The following MAP3K4 variants were observed in gnomAD, a reference collection of about 807,000 sequenced individuals.
MAP3K4 encodes mitogen-activated protein kinase kinase kinase 4, also known as MAP three kinase 1.
Under a neutral mutation model 185.6 loss-of-function variants are expected in MAP3K4, and 67 were observed. The ratio of observed to expected loss-of-function variants is 0.36; its 90% CI spans 0.30 to 0.44. The LOEUF (loss-of-function observed/expected upper bound fraction) is 0.44. Among genes scored for constraint, MAP3K4 ranks in the 20% least tolerant of loss-of-function variants. The pLI, the probability that MAP3K4 is intolerant of heterozygous loss-of-function variation, is 1.00. For missense variants in MAP3K4, 1,551 were observed against 1,995.1 expected (o/e 0.78, Z 4.24); for synonymous variants, 702 against 710.4 (o/e 0.99, Z 0.19).
At chr6:161,045,170 A>G (rs1424107939) in intron 2 of MAP3K4, among the ~76,000 whole-genome samples, 1 of 152,088 alleles carries the variant, frequency 6.6e-6, no homozygotes, top group Admixed American at 6.5e-5. Flanking sequence ...ACTAAGATGT[A>G]TGAATTTATA....
At chr6:161,040,121 C>T (rs1403205319) in intron 2 of MAP3K4, among the ~76,000 whole-genome samples, 10 of 152,124 alleles carry the variant, frequency 6.6e-5, no homozygotes, top group African/African-American at 1.7e-4. Context: ...ATGAATACCT[C>T]GTTTCTTTGT....
rs909255424 is a variant in MAP3K4, at chr6:161,107,280, G to T, written c.4048+575G>T. Among the ~76,000 whole-genome samples, 25 of 152,098 alleles carry T rather than the reference G, an allele frequency of 1.6e-4. No individual in the cohort carries two copies. The highest frequency in any genetic ancestry group is 3.7e-4 in the Non-Finnish European group (25 of 68,022). ...TCTGTCACACATCTAGGTCTGAAGG[G>T]GGCGAACACAGTTGTATGAATAATA... is the stretch of plus-strand genomic sequence containing the variant. On this transcript the variant is annotated intron_variant, in intron 20 of 26. Coordinates refer to ENST00000392142, the MANE Select transcript of MAP3K4 (RefSeq NM_005922.4). This position sits in a 1 kb window ranked among gnomAD's most constrained non-coding sequence, Gnocchi z 6.2.
At chr6:161,031,259 A>G (rs1216959304) in intron 1 of MAP3K4, among the ~76,000 whole-genome samples, 1 of 152,226 alleles carries the variant, frequency 6.6e-6, no homozygotes, top group Non-Finnish European at 1.5e-5. Context: ...AATTATTACA[A>G]GGATTTATTC....
At position 160,992,021 on chromosome 6, in the gene MAP3K4, G is replaced by A. The variant is rs777234400; in HGVS notation, c.90G>A (p.Pro30=). The part of the protein sequence containing the change: ...AAMEEPPPPP[P]PPPPPPEPET... ...TGGAGGAGCCGCCGCCACCGCCGCC[G>A]CCGCCACCACCGCCACCGGAACCCG... Residue 30 remains proline (P), a synonymous_variant, in exon 1 of 27, where the codon CCG becomes CCA. Transcript: ENST00000392142. 6.4e-7 allele frequency: 1 copy of A among 1,556,060 alleles called. No homozygotes were observed. Among genetic ancestry groups the A allele is most frequent in the South Asian group, 1.2e-5 (1 of 85,224 alleles).
chr6:161,101,756 C>T lies in MAP3K4; in HGVS notation c.3675-136C>T. Reference sequence around the variant, plus strand: ...AGCACCCTCCCAAAAGTGTCTAATACATTGCTGGAGGCAGAGTTGTTCCTG... The same window carrying T: ...AGCACCCTCCCAAAAGTGTCTAATATATTGCTGGAGGCAGAGTTGTTCCTG... On this transcript the variant is annotated intron_variant, in intron 17 of 26. Coordinates refer to ENST00000392142, the MANE Select transcript of MAP3K4 (RefSeq NM_005922.4). This position sits in a 1 kb window ranked among gnomAD's most constrained non-coding sequence, Gnocchi z 5.1. The T allele has an allele frequency of 1.4e-6, 1 of 697,110 alleles. No homozygotes were observed. The highest frequency in any genetic ancestry group is 2.4e-6 in the Non-Finnish European group (1 of 410,130). 43.2% of individuals were successfully genotyped at this position (697,110 alleles called of 1,614,324 possible).
chr6:161,060,637 T>TG (rs1554279711), intron 3 of MAP3K4, among the ~76,000 whole-genome samples: 2,364 of 135,706 alleles, frequency 0.017, 77 homozygotes, highest in African/African-American at 0.068. Context: ...TTTTTTTTTT[T>TG]GAGAAGGAGT....
chr6:161,084,763 C>T lies in MAP3K4; in HGVS notation c.2372+146C>T. On this transcript the variant is annotated intron_variant, in intron 7 of 26. Coordinates refer to ENST00000392142, the MANE Select transcript of MAP3K4 (RefSeq NM_005922.4). The surrounding 1 kb of genome is among the most constrained non-coding windows in gnomAD (Gnocchi z 4.6). ...TAGATGTAAAGGGATTTATTTATAA[C>T]TGCCTTGTCTTTTCATGTGATTTCT... 1.9e-6 allele frequency: 1 copy of T among 516,576 alleles called. No homozygotes were observed. Among genetic ancestry groups the T allele is most frequent in the Middle Eastern group, 2.9e-4 (1 of 3,488 alleles). The allele number at this position is 516,576 out of a possible 1,614,324, so 32.0% of individuals were successfully genotyped here.
chr6:161,049,203 G>C lies in MAP3K4; in HGVS notation c.931G>C (p.Val311Leu). ...AGTCGACTATGGGAGCTTCGCCTTTGTTAGAGATAGAGCTGGTTTTAATGG... is the reference window on the plus strand; with the variant it reads ...AGTCGACTATGGGAGCTTCGCCTTTCTTAGAGATAGAGCTGGTTTTAATGG... ...FKVDYGSFAF[V>L]RDRAGFNGTS... is the part of the protein sequence containing the mutation. Residue 311 changes from valine (V) to leucine (L), a missense_variant, in exon 3 of 27, where the codon GTT becomes CTT. By Grantham distance (32) the Val-to-Leu change is conservative. Around this residue, in one of 16 missense-constraint regions of MAP3K4, gnomAD observed 93 missense variants for 96.7 expected, o/e 0.96. Transcript: ENST00000392142. The surrounding 1 kb of genome is among the most constrained non-coding windows in gnomAD (Gnocchi z 8.4). 1 of 1,614,148 alleles carries C rather than the reference G, an allele frequency of 6.2e-7. No individual in the cohort carries two copies. The highest frequency in any genetic ancestry group is 8.5e-7 in the Non-Finnish European group (1 of 1,180,012).
intron 7 of MAP3K4, among the ~76,000 whole-genome samples, chr6:161,085,167 T>TA (rs561531486): frequency 2.0e-5 from 3 of 151,528 alleles, no homozygotes; most frequent in South Asian, 2.1e-4. Context: ...AAACTAAAGA[T>TA]AAAGAGATAA....
intron 7 of MAP3K4, among the ~76,000 whole-genome samples, chr6:161,085,733 G>T (rs1785677777): frequency 6.6e-6 from 1 of 152,156 alleles, no homozygotes; most frequent in Non-Finnish European, 1.5e-5. Context: ...AACATGGTGG[G>T]TTCAAAATAA....
At chr6:161,031,184 G>A (rs1003105708) in intron 1 of MAP3K4, among the ~76,000 whole-genome samples, 3 of 152,172 alleles carry the variant, frequency 2.0e-5, no homozygotes, top group Non-Finnish European at 2.9e-5. Flanking sequence ...ATAAGGATAA[G>A]ACAGATGACT....
rs1321022780 is a variant in MAP3K4 at position 161,048,803 on chromosome 6, A to T, written c.531A>T (p.Lys177Asn). Reference sequence around the variant, plus strand: ...CAGTGGGTGGATCTTTGCCAAAAAAATCAATTCCAGATGTGGATCTCAATA... The same window carrying T: ...CAGTGGGTGGATCTTTGCCAAAAAATTCAATTCCAGATGTGGATCTCAATA... Reference protein sequence around the residue: ...LDSVGGSLPKKSIPDVDLNKP... With the variant: ...LDSVGGSLPKNSIPDVDLNKP... The change falls in exon 3 of 27, where the codon AAA (lysine) becomes AAT (asparagine). Residue 177 changes from lysine to asparagine, a missense_variant. By Grantham distance (94) the Lys-to-Asn change is moderately conservative. Transcript: ENST00000392142. This position sits in a 1 kb window ranked among gnomAD's most constrained non-coding sequence, Gnocchi z 4.7. The T allele has an allele frequency of 7.4e-6, 12 of 1,614,178 alleles. No homozygotes were observed. Among genetic ancestry groups the T allele is most frequent in the Non-Finnish European group, 1.0e-5 (12 of 1,180,032 alleles).
At position 161,009,984 on chromosome 6, in the gene MAP3K4, A is replaced by G. The variant is rs190406124; in HGVS notation, c.152+17901A>G. 7.7e-4 allele frequency among the ~76,000 whole-genome samples: 117 copies of G among 152,270 alleles called. 2 individuals carry two copies. Among genetic ancestry groups the G allele is most frequent in the Non-Finnish European group, 8.1e-4 (55 of 68,032 alleles). ...ATGGCACATGTTTACCTGTGTAACAAACCTGCACGTCCTGCACATGTACCC... is the reference window on the plus strand; with the variant it reads ...ATGGCACATGTTTACCTGTGTAACAGACCTGCACGTCCTGCACATGTACCC... On this transcript the variant is annotated intron_variant, in intron 1 of 26. Coordinates refer to ENST00000392142, the MANE Select transcript of MAP3K4 (RefSeq NM_005922.4).
rs1783855081 is a variant in MAP3K4 at position 161,048,632 on chromosome 6, A to G, written c.360A>G (p.Pro120=). The change falls in exon 3 of 27, where the codon CCA becomes CCG. Residue 120 remains proline (P), a synonymous_variant. Transcript: ENST00000392142. This position sits in a 1 kb window ranked among gnomAD's most constrained non-coding sequence, Gnocchi z 4.7. ...TTTTAATAGAAAAAATGAATGCACC[A>G]AATCAGCCTCCACATAAAGACACTG... is the stretch of plus-strand genomic sequence containing the variant. ...RSNLKEKMNA[P]NQPPHKDTGK... 6.3e-7 allele frequency: 1 copy of G among 1,587,756 alleles called. No homozygotes were observed. The highest frequency in any genetic ancestry group is 8.5e-7 in the Non-Finnish European group (1 of 1,171,426).
At chr6:161,026,836 A>G (rs1782696778) in intron 1 of MAP3K4, among the ~76,000 whole-genome samples, 1 of 136,538 alleles carries the variant, frequency 7.3e-6, no homozygotes, top group African/African-American at 2.8e-5. Context: ...GTTGTGTTGT[A>G]TTTATATAGT....
rs1783088435 is a variant in MAP3K4 at position 161,034,805 on chromosome 6, C to A, written c.343+356C>A. On this transcript the variant is annotated intron_variant, in intron 2 of 26. Transcript: ENST00000392142. The surrounding 1 kb of genome is among the most constrained non-coding windows in gnomAD (Gnocchi z 4.4). The stretch of plus-strand genomic sequence containing the variant: ...CTGAAGTTTCTAGATTTCCTCTGCC[C>A]AGAAGTGGTGTATTGGGGATTTGAG... Among the ~76,000 whole-genome samples the A allele has an allele frequency of 6.6e-6, 1 of 152,056 alleles. No homozygotes were observed. Among genetic ancestry groups the A allele is most frequent in the Admixed American group, 6.6e-5 (1 of 15,258 alleles).
rs1193357744 is a variant in MAP3K4 at position 161,091,390 on chromosome 6, G to C, written c.2985G>C (p.Leu995Phe). The C allele has an allele frequency of 1.2e-6, 2 of 1,613,186 alleles. No homozygotes were observed. Among genetic ancestry groups the C allele is most frequent in the Non-Finnish European group, 8.5e-7 (1 of 1,179,662 alleles). ...KALQQLKNDA[L>F]ELCNRISNAI... The stretch of plus-strand genomic sequence containing the variant: ...TTTGGACTCTTCAGAATGATGCATT[G>C]GAGCTATGCAACAGGATAAGCAATG... The change falls in exon 12 of 27, where the codon TTG becomes TTC. Residue 995 changes from leucine (L) to phenylalanine (F), a missense_variant. Leu to Phe is a conservative substitution (Grantham distance 22, BLOSUM62 0). Transcript: ENST00000392142. The surrounding 1 kb of genome is among the most constrained non-coding windows in gnomAD (Gnocchi z 5.5).
At chr6:161,018,415 G>T (rs986149339) in intron 1 of MAP3K4, among the ~76,000 whole-genome samples, 3 of 152,224 alleles carry the variant, frequency 2.0e-5, no homozygotes, top group Non-Finnish European at 4.4e-5. Context: ...GAAGTGGAAA[G>T]TCTTTGTTGC....
At chr6:160,992,640 G>T (rs1490910096) in intron 1 of MAP3K4, among the ~76,000 whole-genome samples, 2 of 152,118 alleles carry the variant, frequency 1.3e-5, no homozygotes, top group Non-Finnish European at 2.9e-5. Flanking sequence ...CTGTTCTGAG[G>T]GCCCCTTACT....
Sources: gnomAD v4.1 joint callset for allele counts (sites outside exome capture counted in the v4.1 genomes callset) on GRCh38, gnomAD v4.1.1 for gene constraint, gnomAD v4.1.1 regional missense constraint, Gnocchi (gnomAD v3.1) non-coding constraint, MANE v1.5 for transcripts, NCBI Gene and HGNC (gene_info 2026-07-23, HGNC 2026-07-21) for gene names.